The following SGF29 variants were observed in gnomAD, a reference collection of about 807,000 sequenced individuals.
The protein encoded by SGF29 is SAGA complex associated factor 29, also known as SAGA-associated factor 29.
In SGF29, 15 loss-of-function variants were observed where a neutral mutation model predicts 38.1. That is an observed-to-expected ratio of 0.39 (90% confidence interval 0.26 to 0.61). The LOEUF (loss-of-function observed/expected upper bound fraction) is 0.61, where lower values mean the gene tolerates loss of function less well. Among genes scored for constraint, SGF29 ranks in the 20% least tolerant of loss-of-function variants. The pLI is 0.49. For synonymous variants in SGF29, 151 were observed against 160.8 expected (o/e 0.94, Z 0.46); for missense variants, 184 against 394.6 (o/e 0.47, Z 4.52).
chr16:28,562,417 A>T (rs143820976), intron 1 of SGF29, among the ~76,000 whole-genome samples: 19 of 152,272 alleles, frequency 1.2e-4, no homozygotes, highest in African/African-American at 4.3e-4. Context: ...ATGAAGGTCC[A>T]GTTCCTTTCC....
chr16:28,564,603 G>A (rs1197619455), intron 1 of SGF29, among the ~76,000 whole-genome samples: 116 of 108,594 alleles, frequency 1.1e-3, no homozygotes, highest in African/African-American at 3.7e-3. Context: ...ACACATATAT[G>A]TGTATATATA....
At chr16:28,564,852 C>G (rs2151643960) in intron 1 of SGF29, among the ~76,000 whole-genome samples, 1 of 147,942 alleles carries the variant, frequency 6.8e-6, no homozygotes, top group East Asian at 2.0e-4. Context: ...GGAGAATTGC[C>G]TCACGATTAC....
intron 1 of SGF29, among the ~76,000 whole-genome samples, chr16:28,557,965 G>GTTTTTTTT (rs753237384): frequency 1.5e-5 from 1 of 65,618 alleles, no homozygotes; most frequent in Non-Finnish European, 2.8e-5. Flanking sequence ...TTCTTTCTCT[G>GTTTTTTTT]TTTTTTTTTT....
rs190264681 is a variant in SGF29, at chr16:28,555,332, C to T, written c.-16+1235C>T. On this transcript the variant is annotated intron_variant, in intron 1 of 9. Coordinates refer to ENST00000317058, the MANE Select transcript of SGF29 (RefSeq NM_138414.3). ...AAAAAAAAAAAATTAAAAAATTAGC[C>T]GGGCGTGGTGGTGCACGCCTGTAAT... Among the ~76,000 whole-genome samples, 101 of 152,158 alleles carry T rather than the reference C, an allele frequency of 6.6e-4. No homozygotes were observed. In the East Asian group the frequency reaches 0.019, roughly 28 times the overall value.
At chr16:28,588,595 G>A (rs569689696) in intron 4 of SGF29, 32 of 425,536 alleles carry the variant, frequency 7.5e-5, no homozygotes, top group East Asian at 1.5e-4. Context: ...ATGGAGTTTC[G>A]TTCTTTTTGC....
intron 1 of SGF29, among the ~76,000 whole-genome samples, chr16:28,564,655 G>A (rs555886662): frequency 2.7e-4 from 18 of 67,660 alleles, no homozygotes; most frequent in East Asian, 5.8e-4. Flanking sequence ...GTATATATAC[G>A]TATATATATG....
intron 1 of SGF29, among the ~76,000 whole-genome samples, chr16:28,561,789 C>T (rs2046791813): frequency 6.6e-6 from 1 of 152,188 alleles, no homozygotes; most frequent in South Asian, 2.1e-4. Flanking sequence ...AAACCAGCCA[C>T]TTGGCCTGGA....
chr16:28,559,414 C>T (rs560681487), intron 1 of SGF29, among the ~76,000 whole-genome samples: 112 of 152,214 alleles, frequency 7.4e-4, no homozygotes, highest in African/African-American at 2.7e-3. Context: ...GACGGAATCT[C>T]ACTCTGTCAC....
chr16:28,558,146 G>A (rs1320603922), intron 1 of SGF29, among the ~76,000 whole-genome samples: 5 of 145,024 alleles, frequency 3.4e-5, no homozygotes, highest in African/African-American at 1.3e-4. Flanking sequence ...TCGCTGTGTC[G>A]CCAGGCTGGA....
rs577053958 is a variant in SGF29 at position 28,590,242 on chromosome 16, C to G, written c.419+17C>G. 1.3e-5 allele frequency: 21 copies of G among 1,609,764 alleles called. No homozygotes were observed. The highest frequency in any genetic ancestry group is 1.8e-5 in the Non-Finnish European group (21 of 1,178,400). ...TGGTGACAAGTGAGGGCAGCAGCTG[C>G]GAGGGAGGGGCTGGTGCCCAGGGGC... On this transcript the variant is annotated intron_variant, in intron 6 of 9. Coordinates refer to ENST00000317058, the MANE Select transcript of SGF29 (RefSeq NM_138414.3). The surrounding 1 kb of genome is among the most constrained non-coding windows in gnomAD (Gnocchi z 8.2).
chr16:28,576,314 G>A (rs2046893326), intron 1 of SGF29, among the ~76,000 whole-genome samples: 1 of 152,022 alleles, frequency 6.6e-6, no homozygotes, highest in Non-Finnish European at 1.5e-5. Context: ...CATAATACCT[G>A]GGTGATGAAA....
rs949451834 is a variant in SGF29 at position 28,589,976 on chromosome 16, C to G, written c.290-120C>G. 113 of 1,396,684 alleles carry G rather than the reference C, an allele frequency of 8.1e-5. No individual in the cohort carries two copies. The East Asian group carries it at 2.7e-3, about 34-fold the overall frequency. 86.5% of individuals were successfully genotyped at this position (1,396,684 alleles called of 1,614,324 possible). Reference sequence around the variant, plus strand: ...GATGGGGTCACAGTCCTGCTGGGCCCTCGGGCTCACTCGGGAACTGGGGGC... The same window carrying G: ...GATGGGGTCACAGTCCTGCTGGGCCGTCGGGCTCACTCGGGAACTGGGGGC... On this transcript the variant is annotated intron_variant, in intron 5 of 9. Transcript: ENST00000317058.
chr16:28,567,346 C>T (rs2046841044), intron 1 of SGF29, among the ~76,000 whole-genome samples: 1 of 152,172 alleles, frequency 6.6e-6, no homozygotes. Context: ...CTTTGAAGCA[C>T]AGAGCAAGCC....
chr16:28,561,075 T>C (rs1467402616), intron 1 of SGF29, among the ~76,000 whole-genome samples: 1 of 152,090 alleles, frequency 6.6e-6, no homozygotes, highest in Admixed American at 6.6e-5. Flanking sequence ...AATAAATTTT[T>C]TTAAAAATTT....
At chr16:28,558,407 C>A (rs1366028256) in intron 1 of SGF29, among the ~76,000 whole-genome samples, 1 of 151,680 alleles carries the variant, frequency 6.6e-6, no homozygotes, top group African/African-American at 2.4e-5. Flanking sequence ...AGCCACCACG[C>A]CTGGCTGCAC....
chr16:28,569,880 T>C (rs1009589157), intron 1 of SGF29, among the ~76,000 whole-genome samples: 1 of 152,158 alleles, frequency 6.6e-6, no homozygotes, highest in African/African-American at 2.4e-5. Flanking sequence ...TCTGGGGCAG[T>C]GCTCCTTGGC....
chr16:28,580,106 G>A (rs1317639727), intron 1 of SGF29, among the ~76,000 whole-genome samples: 1 of 152,092 alleles, frequency 6.6e-6, no homozygotes, highest in African/African-American at 2.4e-5. Context: ...TCAGGATATT[G>A]GCAGCAGAGC....
intron 5 of SGF29, 83 bp downstream of exon 5, chr16:28,589,247 G>C: frequency 7.0e-7 from 1 of 1,432,280 alleles, no homozygotes; most frequent in Non-Finnish European, 9.8e-7. Flanking sequence ...CTCCTGTGGG[G>C]GCCTGTGGCC....
intron 1 of SGF29, among the ~76,000 whole-genome samples, chr16:28,560,986 C>T (rs569975824): frequency 3.2e-4 from 48 of 148,016 alleles, no homozygotes; most frequent in African/African-American, 1.1e-3. Flanking sequence ...AGGCAATCAA[C>T]GAAGATCAAC....
Sources: allele counts gnomAD v4.1 joint callset (sites outside exome capture counted in the v4.1 genomes callset), GRCh38; gene constraint gnomAD v4.1.1; non-coding constraint Gnocchi (gnomAD v3.1); transcripts MANE v1.5; gene names NCBI Gene and HGNC (gene_info 2026-07-23, HGNC 2026-07-21).